ATP6V1E1: variants seen among roughly 807,000 people sequenced by gnomAD.
ATP6V1E1 encodes V-type proton ATPase subunit E 1.
Under a neutral mutation model 35.2 loss-of-function variants are expected in ATP6V1E1, and 21 were observed. The ratio of observed to expected loss-of-function variants is 0.60; its 90% confidence interval spans 0.42 to 0.86. The LOEUF (loss-of-function observed/expected upper bound fraction) is 0.86, where lower values mean the gene tolerates loss of function less well. Among genes scored for constraint, ATP6V1E1 ranks in the 40% least tolerant of loss-of-function variants. The pLI, the probability that ATP6V1E1 is intolerant of heterozygous loss-of-function variation, is 0.00. For missense variants in ATP6V1E1, 183 were observed against 272.6 expected (o/e 0.67, Z 2.32); for synonymous variants, 83 against 87.8 (o/e 0.95, Z 0.30).
chr22:17,615,355 C>T (rs1353467597), intron 2 of ATP6V1E1, among the ~76,000 whole-genome samples: 6 of 151,874 alleles, frequency 4.0e-5, no homozygotes, highest in Admixed American at 2.0e-4. Flanking sequence ...TTTTATTATA[C>T]GTAAACAGGC....
chr22:17,628,758 G>C, upstream of ATP6V1E1: 1 of 1,343,690 alleles, frequency 7.4e-7, no homozygotes, highest in East Asian at 2.3e-5. Context: ...ATAACCGCGG[G>C]TTCCGGTTCC....
chr22:17,628,434 C>T (rs1311566430), intron 1 of ATP6V1E1, among the ~76,000 whole-genome samples, 169 bp downstream of exon 1: 1 of 152,242 alleles, frequency 6.6e-6, no homozygotes, highest in African/African-American at 2.4e-5. Flanking sequence ...ACATGAGCTG[C>T]GGGGCAAATC....
chr22:17,599,936 AAAGG>A (rs1362812076), intron 6 of ATP6V1E1, 87 bp downstream of exon 6: 26 of 1,059,292 alleles, frequency 2.5e-5, no homozygotes, highest in Middle Eastern at 2.5e-4. Context: ...AAAAAAAAGA[AAAGG>A]AAGGAAGGAA....
chr22:17,618,175 T>A (rs1032300285), intron 2 of ATP6V1E1, among the ~76,000 whole-genome samples: 2 of 152,174 alleles, frequency 1.3e-5, no homozygotes, highest in African/African-American at 4.8e-5. Flanking sequence ...CACTACAACC[T>A]TCTCTAGTCA....
intron 4 of ATP6V1E1, among the ~76,000 whole-genome samples, chr22:17,601,722 T>C (rs1467765053): frequency 6.6e-6 from 1 of 152,230 alleles, no homozygotes; most frequent in Non-Finnish European, 1.5e-5. Context: ...TTCTCCTGCC[T>C]CAGCCTCCTG....
intron 1 of ATP6V1E1, among the ~76,000 whole-genome samples, chr22:17,626,467 T>C (rs1484728335): frequency 1.3e-5 from 2 of 151,960 alleles, no homozygotes; most frequent in African/African-American, 2.4e-5. Context: ...CTCGACCCCT[T>C]GGGCTCAAAT....
At chr22:17,614,947 A>G (rs995491741) in intron 2 of ATP6V1E1, among the ~76,000 whole-genome samples, 1 of 139,650 alleles carries the variant, frequency 7.2e-6, no homozygotes, top group East Asian at 2.0e-4. Flanking sequence ...AGAGCGAGAC[A>G]CCGTTTCAAA....
intron 1 of ATP6V1E1, 148 bp downstream of exon 1, chr22:17,628,455 G>A (rs1380113575): frequency 4.4e-6 from 5 of 1,135,662 alleles, no homozygotes; most frequent in Non-Finnish European, 6.5e-6. Flanking sequence ...TCCGTCCTCA[G>A]GCCGACCTCT....
chr22:17,612,841 C>G lies in ATP6V1E1; in HGVS notation c.247G>C (p.Val83Leu), dbSNP rs1374172949. Reference sequence around the variant, plus strand: ...ATAAGGTCATCTCTTGCTCTGAGGACTTTGAGTCTCGCTTGATTCATCAAA... The same window carrying G: ...ATAAGGTCATCTCTTGCTCTGAGGAGTTTGAGTCTCGCTTGATTCATCAAA... The part of the protein sequence containing the change: ...SNLMNQARLK[V>L]LRARDDLITD... Residue 83 changes from valine to leucine, a missense_variant, in exon 4 of 9, where the codon GTC becomes CTC. Coordinates refer to ENST00000253413, the MANE Select transcript of ATP6V1E1 (RefSeq NM_001696.4). 6.2e-7 allele frequency: 1 copy of G among 1,609,500 alleles called. No homozygotes were observed. The highest frequency in any genetic ancestry group is 8.5e-7 in the Non-Finnish European group (1 of 1,179,370).
intron 4 of ATP6V1E1, among the ~76,000 whole-genome samples, chr22:17,611,712 G>C (rs9605339): frequency 6.6e-6 from 1 of 152,172 alleles, no homozygotes; most frequent in Non-Finnish European, 1.5e-5. Context: ...TCAGAATTTA[G>C]TGATGGACTT....
At chr22:17,622,827 C>T (rs979559712) in intron 1 of ATP6V1E1, among the ~76,000 whole-genome samples, 4 of 151,876 alleles carry the variant, frequency 2.6e-5, no homozygotes, top group East Asian at 1.9e-4. Flanking sequence ...ATTAGCCAGG[C>T]GTGGTGGTGC....
chr22:17,621,263 C>T (rs1308085088), intron 1 of ATP6V1E1, among the ~76,000 whole-genome samples: 1 of 152,168 alleles, frequency 6.6e-6, no homozygotes, highest in African/African-American at 2.4e-5. Flanking sequence ...TCATGTAACA[C>T]TCTACCCCCG....
chr22:17,609,691 A>C (rs904952949), intron 4 of ATP6V1E1, among the ~76,000 whole-genome samples: 2 of 150,652 alleles, frequency 1.3e-5, no homozygotes, highest in Non-Finnish European at 3.0e-5. Flanking sequence ...GGATGGTCTC[A>C]ATCTCCTGAC....
chr22:17,613,370 C>T (rs2057824954), intron 2 of ATP6V1E1, 50 bp from the exon 3 acceptor site: 2 of 1,480,714 alleles, frequency 1.4e-6, no homozygotes, highest in Non-Finnish European at 1.9e-6. Flanking sequence ...TTTTGATTAA[C>T]AGTTTTAAAC....
At chr22:17,618,906 A>C (rs1413697310) in intron 2 of ATP6V1E1, 1 of 433,362 alleles carries the variant, frequency 2.3e-6, no homozygotes, top group East Asian at 7.4e-5. Flanking sequence ...AGGCTGAGGC[A>C]GGAGAATCAC....
chr22:17,598,048 A>G (rs2057741453), intron 7 of ATP6V1E1, 146 bp downstream of exon 7: 2 of 656,420 alleles, frequency 3.0e-6, no homozygotes, highest in Admixed American at 5.3e-5. Context: ...AACAACAGGA[A>G]CGGCTGCAAG....
intron 4 of ATP6V1E1, among the ~76,000 whole-genome samples, chr22:17,607,218 C>T (rs146722399): frequency 0.013 from 1,966 of 151,862 alleles, 44 homozygotes; most frequent in African/African-American, 0.046. Context: ...AGTGCAGTGG[C>T]GTGATCCTGG....
intron 6 of ATP6V1E1, among the ~76,000 whole-genome samples, 185 bp downstream of exon 6, chr22:17,599,842 T>A (rs981325268): frequency 6.6e-6 from 1 of 151,272 alleles, no homozygotes; most frequent in African/African-American, 2.4e-5. Flanking sequence ...GGAGAATCGC[T>A]TGAACCCGGC....
chr22:17,601,791 G>A (rs1460033402), intron 4 of ATP6V1E1, among the ~76,000 whole-genome samples: 1 of 152,202 alleles, frequency 6.6e-6, no homozygotes, highest in African/African-American at 2.4e-5. Context: ...ATTTTTAGTA[G>A]AGACAAGGTT....
Sources: allele counts gnomAD v4.1 joint callset (sites outside exome capture counted in the v4.1 genomes callset), GRCh38; gene constraint gnomAD v4.1.1; transcripts MANE v1.5; gene names NCBI Gene and HGNC (gene_info 2026-07-23, HGNC 2026-07-21).